Variants in TOGARAM2 observed in about 807,000 individuals in gnomAD.
TOGARAM2 encodes TOG array regulator of axonemal microtubules protein 2.
A neutral mutation model predicts 93.3 loss-of-function variants in TOGARAM2; 85 were observed. The observed-to-expected ratio is 0.91, with a 90% CI of 0.76 to 1.09. The LOEUF (loss-of-function observed/expected upper bound fraction) is 1.09, where lower values mean the gene tolerates loss of function less well. Among genes scored for constraint, TOGARAM2 ranks in the 50% least tolerant of loss-of-function variants. TOGARAM2 has a pLI of 0.00. For missense variants in TOGARAM2, 1,277 were observed against 1,334.5 expected, an observed-to-expected ratio of 0.96 and a Z score of 0.67; for synonymous variants, 593 against 552.8, an observed-to-expected ratio of 1.07 and a Z score of -1.02.
Position 28,988,398 on chromosome 2 carries a change from C to T in TOGARAM2, c.-110-6327C>T, listed in dbSNP as rs556335124. On this transcript the variant is annotated intron_variant, in intron 1 of 19. Transcript: ENST00000379558. Reference sequence around the variant, plus strand: ...TGCCCTTTCTCTCTTCCTGACCTCTCCCTCTGTAGGACCCTTGGCTCTTCC... The same window carrying T: ...TGCCCTTTCTCTCTTCCTGACCTCTTCCTCTGTAGGACCCTTGGCTCTTCC... 2.0e-5 allele frequency among the ~76,000 whole-genome samples: 3 copies of T among 152,124 alleles called. No individual in the cohort carries two copies. In the South Asian group the frequency reaches 6.2e-4, roughly 32 times the overall value.
intron 18 of TOGARAM2, among the ~76,000 whole-genome samples, chr2:29,039,252 C>T (rs1666294524): frequency 6.6e-6 from 1 of 152,136 alleles, no homozygotes. Flanking sequence ...GGAGCTTTTC[C>T]CCAAACCTCC....
At chr2:29,002,305 C>G (rs1309074585) in intron 4 of TOGARAM2, among the ~76,000 whole-genome samples, 1 of 152,188 alleles carries the variant, frequency 6.6e-6, no homozygotes, top group African/African-American at 2.4e-5. Flanking sequence ...TCCCACGCTG[C>G]CTCTGAATTC....
At chr2:28,978,895 C>G (rs1361083511), upstream of TOGARAM2, among the ~76,000 whole-genome samples, 1 of 152,136 alleles carries the variant, frequency 6.6e-6, no homozygotes, top group Non-Finnish European at 1.5e-5. Flanking sequence ...TCTGGCCGCC[C>G]TTCCACCAGG....
At chr2:28,957,428 G>T (rs1316976914) in intron 1 of TOGARAM2, among the ~76,000 whole-genome samples, 2 of 152,132 alleles carry the variant, frequency 1.3e-5, no homozygotes, top group African/African-American at 4.8e-5. Context: ...TGATCCGCCT[G>T]CCTCGACCTC....
At chr2:29,027,134 C>G in intron 14 of TOGARAM2, 123 bp downstream of exon 14, 1 of 1,048,094 alleles carries the variant, frequency 9.5e-7, no homozygotes, top group Non-Finnish European at 1.3e-6. Context: ...TAGGCGGAAG[C>G]TATGTCCTTT....
At chr2:29,032,660 G>A (rs1665837777) in intron 14 of TOGARAM2, 1 of 370,740 alleles carries the variant, frequency 2.7e-6, no homozygotes, top group Middle Eastern at 8.1e-4. Flanking sequence ...AATACAACTT[G>A]TATATACATT....
At chr2:28,963,531 C>T (rs780748683) in intron 1 of TOGARAM2, among the ~76,000 whole-genome samples, 4 of 152,230 alleles carry the variant, frequency 2.6e-5, no homozygotes, top group South Asian at 2.1e-4. Context: ...TATGCCACCA[C>T]ACCTGGCTAA....
intron 14 of TOGARAM2, among the ~76,000 whole-genome samples, chr2:29,029,633 G>A (rs893659917): frequency 6.7e-6 from 1 of 149,270 alleles, no homozygotes; most frequent in Non-Finnish European, 1.5e-5. Flanking sequence ...GCGGGTGCCT[G>A]TAGTCCCAGC....
upstream of TOGARAM2, among the ~76,000 whole-genome samples, chr2:28,980,490 T>C (rs1672136882): frequency 6.6e-6 from 1 of 152,232 alleles, no homozygotes; most frequent in Admixed American, 6.5e-5. Flanking sequence ...AGTGGCTGTT[T>C]GCAAGCCTGC....
chr2:28,986,557 A>C lies in TOGARAM2; in HGVS notation c.-111+5019A>C, dbSNP rs557014010. ...TGTTCTGTTAAGAAAGGTTCTTCCC[A>C]GCAACGTGCTACTTGACCCCTGTTG... On this transcript the variant is annotated intron_variant, in intron 1 of 19. Transcript: ENST00000379558. Among the ~76,000 whole-genome samples the C allele has an allele frequency of 7.2e-5, 11 of 152,296 alleles. No homozygotes were observed. In the South Asian group the frequency reaches 2.3e-3, roughly 32 times the overall value.
chr2:29,006,251 T>C (rs1428348916), intron 6 of TOGARAM2, among the ~76,000 whole-genome samples: 1 of 145,848 alleles, frequency 6.9e-6, no homozygotes, highest in Non-Finnish European at 1.5e-5. Context: ...GTGGAGTGTG[T>C]GTGCATGTGT....
intron 6 of TOGARAM2, among the ~76,000 whole-genome samples, chr2:29,005,747 GTGTA>G (rs925852915): frequency 7.5e-5 from 1 of 13,398 alleles, no homozygotes; most frequent in Admixed American, 1.3e-3. Flanking sequence ...ACATATATGT[GTGTA>G]TGTGTGTGTG....
intron 1 of TOGARAM2, among the ~76,000 whole-genome samples, chr2:28,963,783 G>A (rs980133191): frequency 7.2e-5 from 11 of 152,156 alleles, no homozygotes; most frequent in South Asian, 6.2e-4. Context: ...CGAGGTGAGC[G>A]GATCACCTGA....
rs150763001 is a variant in TOGARAM2, at chr2:29,015,873, C to G, written c.1045-1281C>G. Among the ~76,000 whole-genome samples the G allele has an allele frequency of 2.7e-3, 404 of 152,252 alleles. 3 individuals carry two copies. The highest frequency in any genetic ancestry group is 9.1e-3 in the African/African-American group (378 of 41,518). On this transcript the variant is annotated intron_variant, in intron 8 of 19. Transcript: ENST00000379558. ...CCTCTGGATGCTGGAACTCCCCCAG[C>G]GCTCAGCCCTCTGGCCTCTCGTCTA...
intron 7 of TOGARAM2, 60 bp downstream of exon 7, chr2:29,011,561 G>A (rs1664249885): frequency 1.1e-5 from 17 of 1,507,340 alleles, no homozygotes; most frequent in Non-Finnish European, 1.5e-5. Context: ...CCTGGGCTGG[G>A]TCAGGGAAAC....
chr2:29,040,116 G>A (rs1666342998), intron 18 of TOGARAM2, among the ~76,000 whole-genome samples: 1 of 152,010 alleles, frequency 6.6e-6, no homozygotes. Flanking sequence ...TGCATCCATG[G>A]TGCTCCTCCA....
intron 18 of TOGARAM2, 44 bp downstream of exon 18, chr2:29,036,801 C>T (rs1390882564): frequency 1.3e-5 from 20 of 1,562,464 alleles, no homozygotes; most frequent in Non-Finnish European, 1.6e-5. Context: ...TCACCATGTC[C>T]ACCCTCCTGC....
intron 1 of TOGARAM2, among the ~76,000 whole-genome samples, chr2:28,965,800 A>C (rs1558392527): frequency 6.6e-6 from 1 of 152,074 alleles, no homozygotes; most frequent in Non-Finnish European, 1.5e-5. Context: ...TCTCCTCAGT[A>C]CCACTAGATT....
In TOGARAM2 at chr2:29,014,479, C is replaced by T. The variant is rs757275245; in HGVS notation, c.962C>T (p.Thr321Met). The T allele has an allele frequency of 2.2e-5, 35 of 1,595,406 alleles. No homozygotes were observed. Among genetic ancestry groups the T allele is most frequent in the Admixed American group, 7.0e-5 (4 of 57,362 alleles). The stretch of plus-strand genomic sequence containing the variant: ...CTGCCTTTTTCTCAGTCTGCTCCCA[C>T]GCTGACAGCCTTCTCCTTTGACTGT... The part of the protein sequence containing the change: ...PALPFSQSAP[T>M]LTAFSFDCAR... Residue 321 changes from threonine to methionine, a missense_variant, in exon 8 of 20, where the codon ACG (threonine) becomes ATG (methionine). Thr to Met is a moderately conservative substitution (Grantham distance 81). Coordinates refer to ENST00000379558, the MANE Select transcript of TOGARAM2 (RefSeq NM_199280.4).
Sources: gnomAD v4.1 joint callset for allele counts (sites outside exome capture counted in the v4.1 genomes callset) on GRCh38, gnomAD v4.1.1 for gene constraint, MANE v1.5 for transcripts, NCBI Gene and HGNC (gene_info 2026-07-23, HGNC 2026-07-21) for gene names.